CLSPN: variants seen among roughly 807,000 people sequenced by gnomAD.
The protein encoded by CLSPN is claspin.
In CLSPN, 85 loss-of-function variants were observed where a neutral mutation model predicts 156.3. The observed-to-expected ratio is 0.54, with a 90% CI of 0.46 to 0.65. The LOEUF is 0.65. CLSPN is among the 30% of genes least tolerant of loss of function. The pLI is 0.00. For synonymous variants in CLSPN, 534 were observed against 542.4 expected, an observed-to-expected ratio of 0.98 and a Z score of 0.22; for missense variants, 1,407 against 1,554.9, an observed-to-expected ratio of 0.90 and a Z score of 1.60.
chr1:35,737,119 C>T (rs1641502276), intron 23 of CLSPN, 44 bp from the exon 24 acceptor site: 1 of 1,590,456 alleles, frequency 6.3e-7, no homozygotes. Flanking sequence ...CAAGTGCCAA[C>T]TAAAGAATGA....
Position 35,746,977 on chromosome 1 carries a change from T to C in CLSPN, c.2643A>G (p.Arg881=). ...AAGCTTGGTACTGATTCCTGTGGTT[T>C]CTAACATTTAAGAACCTAAGAACCA... is the stretch of plus-strand genomic sequence containing the variant. ...LLDADGFLNV[R]NHRNQYQALK... Residue 881 remains arginine, a synonymous_variant, in exon 15 of 25, where the codon AGA becomes AGG. Transcript: ENST00000318121. The surrounding 1 kb of genome is among the most constrained non-coding windows in gnomAD (Gnocchi z 4.2). 3 of 1,613,864 alleles carry C rather than the reference T, an allele frequency of 1.9e-6. No homozygotes were observed. Among genetic ancestry groups the C allele is most frequent in the Non-Finnish European group, 2.5e-6 (3 of 1,179,792 alleles).
intron 9 of CLSPN, among the ~76,000 whole-genome samples, chr1:35,753,099 G>T (rs1642147015): frequency 6.6e-6 from 1 of 152,072 alleles, no homozygotes; most frequent in Non-Finnish European, 1.5e-5. Flanking sequence ...TTTGTTTTGG[G>T]TTTTTTGTTT....
downstream of CLSPN, among the ~76,000 whole-genome samples, chr1:35,727,945 A>C (rs979468054): frequency 6.6e-6 from 1 of 152,148 alleles, no homozygotes; most frequent in Non-Finnish European, 1.5e-5. Flanking sequence ...GCATATGTGT[A>C]TGAACTGGAT....
intron 16 of CLSPN, 140 bp from the exon 17 acceptor site, chr1:35,743,670 C>T: frequency 1.6e-6 from 1 of 631,944 alleles, no homozygotes; most frequent in Non-Finnish European, 2.8e-6. Flanking sequence ...CTTACACCAC[C>T]TGGAATACAG....
At position 35,732,999 on chromosome 1, in the gene CLSPN, C is replaced by G; in HGVS notation, c.*3497G>C. The stretch of plus-strand genomic sequence containing the variant: ...TTTTTTTTTGAGAGGGAGTCTCACT[C>G]TGTCGCCCATGCTGGAGAGCAGTGG... On this transcript the variant is annotated 3_prime_UTR_variant, in exon 25 of 25. Coordinates refer to ENST00000318121, the MANE Select transcript of CLSPN (RefSeq NM_022111.4). 1.0e-6 allele frequency: 1 copy of G among 962,478 alleles called. No individual in the cohort carries two copies. 59.6% of individuals were successfully genotyped at this position (962,478 alleles called of 1,614,324 possible). A position where few individuals can be genotyped will look rare whatever the true frequency, so the allele number is the denominator to read the frequency against.
intron 16 of CLSPN, among the ~76,000 whole-genome samples, chr1:35,743,894 T>A (rs1641783339): frequency 6.6e-6 from 1 of 152,202 alleles, no homozygotes; most frequent in African/African-American, 2.4e-5. Flanking sequence ...AGTACTGGGA[T>A]TATAGGTATG....
rs1642614866 is a variant in CLSPN, at chr1:35,764,813, A to T, written c.134-99T>A. The T allele has an allele frequency of 5.4e-6, 4 of 737,840 alleles. No individual in the cohort carries two copies. The East Asian group carries it at 1.2e-4, about 21-fold the overall frequency. The allele number at this position is 737,840 out of a possible 1,614,324, so 45.7% of individuals were successfully genotyped here. ...TATTTTTATACAAGTGATATATAAC[A>T]TTGTGAAATTACGTGACTACTGTTA... On this transcript the variant is annotated intron_variant, in intron 2 of 24. Coordinates refer to ENST00000318121, the MANE Select transcript of CLSPN (RefSeq NM_022111.4).
At chr1:35,725,683 T>C (rs1641166141) in intron 24 of CLSPN, among the ~76,000 whole-genome samples, 1 of 152,160 alleles carries the variant, frequency 6.6e-6, no homozygotes, top group African/African-American at 2.4e-5. Context: ...CTGAATGGGC[T>C]TGGAGCCGGT....
chr1:35,757,765 A>C (rs780361045), intron 8 of CLSPN, among the ~76,000 whole-genome samples: 2 of 152,224 alleles, frequency 1.3e-5, no homozygotes, highest in Non-Finnish European at 2.9e-5. Flanking sequence ...TAATGGAGCT[A>C]TGCTAGTTCT....
chr1:35,726,869 A>G (rs1337872756), intron 24 of CLSPN, among the ~76,000 whole-genome samples: 1 of 152,150 alleles, frequency 6.6e-6, no homozygotes, highest in African/African-American at 2.4e-5. Context: ...TAAGGCCTGG[A>G]CAGTTTAAGA....
rs1641602332 is a variant in CLSPN, at chr1:35,739,241, C to T, written c.3325G>A (p.Asp1109Asn). 6.2e-7 allele frequency: 1 copy of T among 1,614,216 alleles called. No homozygotes were observed. The highest frequency in any genetic ancestry group is 8.5e-7 in the Non-Finnish European group (1 of 1,180,034). ...KKIHMKTMLD[D>N]DKRQLRLYQE... is the part of the protein sequence containing the mutation. ...TATAAACGTAGCTGTCGCTTATCAT[C>T]ATCCAACATAGTTTTCCTGCAACAG... Residue 1109 changes from aspartate to asparagine, a missense_variant, in exon 20 of 25, where the codon GAT becomes AAT. By Grantham distance (23) the Asp-to-Asn change is conservative (BLOSUM62 1). Around this residue, in one of 3 missense-constraint regions of CLSPN, gnomAD observed 70 missense variants for 121.5 expected, o/e 0.58. Coordinates refer to ENST00000318121, the MANE Select transcript of CLSPN (RefSeq NM_022111.4).
intron 8 of CLSPN, among the ~76,000 whole-genome samples, chr1:35,754,797 A>G (rs1245123053): frequency 6.6e-6 from 1 of 152,230 alleles, no homozygotes; most frequent in Non-Finnish European, 1.5e-5. Context: ...ACAATGAGAA[A>G]GAAAATACTG....
rs1641334221 is a variant in CLSPN, at chr1:35,732,248, G to A, written c.*4248C>T. On this transcript the variant is annotated 3_prime_UTR_variant, in exon 25 of 25. Coordinates refer to ENST00000318121, the MANE Select transcript of CLSPN (RefSeq NM_022111.4). Reference sequence around the variant, plus strand: ...ATGACATAATCAAATAGTATCATGGGAACACTCCTCCCAGAAATACTCTCC... The same window carrying A: ...ATGACATAATCAAATAGTATCATGGAAACACTCCTCCCAGAAATACTCTCC... The A allele has an allele frequency of 2.0e-6, 2 of 985,326 alleles. No homozygotes were observed. The highest frequency in any genetic ancestry group is 1.2e-6 in the Non-Finnish European group (1 of 829,896). The allele number at this position is 985,326 out of a possible 1,614,324, so 61.0% of individuals were successfully genotyped here.
intron 3 of CLSPN, 128 bp from the exon 4 acceptor site, chr1:35,763,449 T>A: frequency 1.7e-6 from 1 of 591,142 alleles, no homozygotes; most frequent in Non-Finnish European, 2.7e-6. Context: ...ATATAAAATC[T>A]AGAACATTCT....
intron 18 of CLSPN, 57 bp downstream of exon 18, chr1:35,743,084 G>T (rs961834182): frequency 7.4e-7 from 1 of 1,345,838 alleles, no homozygotes; most frequent in Non-Finnish European, 1.1e-6. Context: ...ACCATGCCTG[G>T]CCTAGTGACC....
intron 8 of CLSPN, 30 bp downstream of exon 8, chr1:35,760,312 A>T: frequency 6.4e-7 from 1 of 1,561,306 alleles, no homozygotes. Context: ...TAATCACTCC[A>T]GGGAGGCTCC....
At chr1:35,766,492 T>A (rs1571225401) in intron 1 of CLSPN, among the ~76,000 whole-genome samples, 4 of 152,218 alleles carry the variant, frequency 2.6e-5, no homozygotes, top group Admixed American at 2.6e-4. Context: ...TCGCCCAGGA[T>A]GGAGCGCAAC....
chr1:35,726,174 A>AAAAAAC (rs1449196976), intron 24 of CLSPN, among the ~76,000 whole-genome samples: 1 of 150,852 alleles, frequency 6.6e-6, no homozygotes, highest in African/African-American at 2.4e-5. Context: ...AAAAAAAAAA[A>AAAAAAC]AGCGCATAGC....
intron 1 of CLSPN, among the ~76,000 whole-genome samples, chr1:35,768,570 G>A (rs1245438999): frequency 2.0e-5 from 3 of 146,900 alleles, no homozygotes; most frequent in Admixed American, 7.0e-5. Flanking sequence ...CACAGGCGAC[G>A]CCCGGCTAAT....
Sources: gnomAD v4.1 joint callset for allele counts (sites outside exome capture counted in the v4.1 genomes callset) on GRCh38, gnomAD v4.1.1 for gene constraint, gnomAD v4.1.1 regional missense constraint, Gnocchi (gnomAD v3.1) non-coding constraint, MANE v1.5 for transcripts, NCBI Gene and HGNC (gene_info 2026-07-23, HGNC 2026-07-21) for gene names.